The following C3orf49 variants were observed in gnomAD, a reference collection of about 807,000 sequenced individuals.
The protein encoded by C3orf49 is putative uncharacterized protein C3orf49.
In C3orf49, 27 loss-of-function variants were observed where a neutral mutation model predicts 13.3. The observed-to-expected ratio is 2.02, with a 90% CI of 1.49 to 2.79. The LOEUF is 2.79. C3orf49 is among the 30% of genes most tolerant of loss of function. The pLI is 0.00. For synonymous variants in C3orf49, 87 were observed against 47.6 expected (o/e 1.83, Z -3.40); for missense variants, 242 against 134.2 (o/e 1.80, Z -3.97).
chr3:63,809,330 C>G, the C3orf49 span, among the ~76,000 whole-genome samples: 1 of 152,202 alleles, frequency 6.6e-6, no homozygotes, highest in Non-Finnish European at 1.5e-5. Context: ...GAACTTTTAA[C>G]TACAGAACTG....
chr3:63,796,239 AC>A, the C3orf49 span, among the ~76,000 whole-genome samples: 3 of 152,210 alleles, frequency 2.0e-5, no homozygotes, highest in East Asian at 5.8e-4. Flanking sequence ...TGTGGCAGTC[AC>A]CTCTAAATGG....
At position 63,823,262 on chromosome 3, in the gene C3orf49, T is replaced by C; in HGVS notation, c.138T>C (p.Ala46=). The change falls in exon 2 of 7, where the codon GCT becomes GCC. Residue 46 remains alanine, a synonymous_variant. Transcript: ENST00000295896. The part of the protein sequence containing the change: ...KRKGIERWHR[A]VSTNLLKQNV... The stretch of plus-strand genomic sequence containing the variant: ...TTATTTTGTTTAGATGGCATAGAGC[T>C]GTGTCTACCAACTTACTAAAACAAA... 1.4e-6 allele frequency: 1 copy of C among 702,342 alleles called. No homozygotes were observed. Among genetic ancestry groups the C allele is most frequent in the Non-Finnish European group, 2.6e-6 (1 of 384,496 alleles). 43.5% of individuals were successfully genotyped at this position (702,342 alleles called of 1,614,324 possible).
At chr3:63,797,038 A>G in the C3orf49 span, among the ~76,000 whole-genome samples, 3 of 152,094 alleles carry the variant, frequency 2.0e-5, no homozygotes, top group Non-Finnish European at 4.4e-5. Context: ...TATCTAAGGT[A>G]TGGAATTTGA....
chr3:63,812,642 TG>T, the C3orf49 span, among the ~76,000 whole-genome samples: 9 of 152,202 alleles, frequency 5.9e-5, no homozygotes, highest in Admixed American at 5.9e-4. Flanking sequence ...ATTCTAGAAG[TG>T]GTTGATTCTA....
At chr3:63,818,093 T>G (rs190976580), upstream of C3orf49, among the ~76,000 whole-genome samples, 2 of 152,268 alleles carry the variant, frequency 1.3e-5, no homozygotes, top group East Asian at 3.9e-4. Context: ...ACTTCAGCGT[T>G]TCTCAAATAA....
In C3orf49 at chr3:63,823,508, T is replaced by G. The variant is rs547787098; in HGVS notation, c.384T>G (p.Ile128Met). 1.4e-6 allele frequency: 1 copy of G among 702,326 alleles called. No individual in the cohort carries two copies. Among genetic ancestry groups the G allele is most frequent in the East Asian group, 2.7e-5 (1 of 37,268 alleles). 43.5% of individuals were successfully genotyped at this position (702,326 alleles called of 1,614,324 possible). Residue 128 changes from isoleucine to methionine, a missense_variant, in exon 2 of 7, where the codon ATT becomes ATG. Coordinates refer to ENST00000295896, the MANE Select transcript of C3orf49 (RefSeq NM_001355236.2). Reference protein sequence around the residue: ...LSNTQSLLPRIVKEFSSPKLF... With the variant: ...LSNTQSLLPRMVKEFSSPKLF... ...ACACGCAGAGCCTTCTCCCTAGGAT[T>G]GTCAAGGAGTTTTCATCTCCCAAGT...
chr3:63,823,766 T>TTGTGTGTGTGTG (rs55765936), intron 2 of C3orf49, among the ~76,000 whole-genome samples, 197 bp downstream of exon 2: 4 of 122,972 alleles, frequency 3.3e-5, no homozygotes, highest in African/African-American at 1.3e-4. Context: ...GTTCATACCG[T>TTGTGTGTGTGTG]TGTGTGTGTG....
At chr3:63,845,469 G>A in intron 6 of C3orf49, among the ~76,000 whole-genome samples, 1 of 152,214 alleles carries the variant, frequency 6.6e-6, no homozygotes, top group East Asian at 1.9e-4. Context: ...TGACCAGAGG[G>A]AAATGTGCGT....
chr3:63,823,315 C>A lies in C3orf49; in HGVS notation c.191C>A (p.Ser64Tyr). The change falls in exon 2 of 7, where the codon TCC (serine) becomes TAC (tyrosine). Residue 64 changes from serine to tyrosine, a missense_variant. By Grantham distance (144) the Ser-to-Tyr change is moderately radical (BLOSUM62 -2). Transcript: ENST00000295896. ...QNVLVPKEESSSDSDMGFHES... is the reference protein window; with the variant it reads ...QNVLVPKEESYSDSDMGFHES... ...GTATTGGTCCCTAAAGAGGAATCAT[C>A]CAGTGATAGTGACATGGGATTTCAT... 1 of 703,032 alleles carries A rather than the reference C, an allele frequency of 1.4e-6. No homozygotes were observed. Among genetic ancestry groups the A allele is most frequent in the East Asian group, 2.7e-5 (1 of 37,288 alleles). 43.5% of individuals were successfully genotyped at this position (703,032 alleles called of 1,614,324 possible).
At chr3:63,780,489 T>C in the C3orf49 span, among the ~76,000 whole-genome samples, 2 of 152,208 alleles carry the variant, frequency 1.3e-5, no homozygotes, top group African/African-American at 4.8e-5. Context: ...TTATAATCCT[T>C]TGGGTATATA....
chr3:63,820,079 T>G (rs1701374781), intron 1 of C3orf49, among the ~76,000 whole-genome samples: 1 of 152,188 alleles, frequency 6.6e-6, no homozygotes, highest in South Asian at 2.1e-4. Context: ...TGCTATTTTT[T>G]TGCCAATGAC....
the C3orf49 span, among the ~76,000 whole-genome samples, chr3:63,800,032 T>G: frequency 1.3e-5 from 2 of 152,170 alleles, no homozygotes; most frequent in Non-Finnish European, 2.9e-5. Flanking sequence ...CAGGATGGAA[T>G]GTACTAGAAG....
At chr3:63,841,962 CTG>C (rs1362354278) in intron 5 of C3orf49, among the ~76,000 whole-genome samples, 2 of 152,130 alleles carry the variant, frequency 1.3e-5, no homozygotes, top group African/African-American at 4.8e-5. Context: ...GGATCTCCAA[CTG>C]TATTGAGGAC....
the C3orf49 span, among the ~76,000 whole-genome samples, chr3:63,802,121 C>T: frequency 2.0e-5 from 3 of 152,166 alleles, no homozygotes; most frequent in Non-Finnish European, 2.9e-5. Flanking sequence ...ACTTATGTTG[C>T]TCAATGACAG....
chr3:63,821,940 G>C (rs371267038), intron 1 of C3orf49, among the ~76,000 whole-genome samples: 4 of 152,084 alleles, frequency 2.6e-5, no homozygotes, highest in African/African-American at 9.6e-5. Context: ...GGGGAAACTA[G>C]GTAAAGAGCA....
At chr3:63,808,484 T>C in the C3orf49 span, among the ~76,000 whole-genome samples, 1 of 152,226 alleles carries the variant, frequency 6.6e-6, no homozygotes, top group Non-Finnish European at 1.5e-5. Context: ...TCTGTTTTCT[T>C]CTTTCTCTCT....
chr3:63,808,434 C>T, the C3orf49 span, among the ~76,000 whole-genome samples: 5 of 152,204 alleles, frequency 3.3e-5, no homozygotes, highest in Non-Finnish European at 5.9e-5. Flanking sequence ...AACAAAAAGT[C>T]ATTATATGTC....
chr3:63,839,403 A>G (rs1390845232), intron 5 of C3orf49, among the ~76,000 whole-genome samples: 1 of 152,180 alleles, frequency 6.6e-6, no homozygotes, highest in Non-Finnish European at 1.5e-5. Context: ...TATGTCCTAA[A>G]AGTAACCAAA....
chr3:63,781,992 A>T, the C3orf49 span, among the ~76,000 whole-genome samples: 2 of 152,200 alleles, frequency 1.3e-5, no homozygotes, highest in South Asian at 4.1e-4. Context: ...CCCCGAGCCT[A>T]TCTGGCTCTA....
Sources: allele counts gnomAD v4.1 joint callset (sites outside exome capture counted in the v4.1 genomes callset), GRCh38; gene constraint gnomAD v4.1.1; transcripts MANE v1.5; gene names NCBI Gene and HGNC (gene_info 2026-07-23, HGNC 2026-07-21).